The following RERE variants were observed in gnomAD, a reference collection of about 807,000 sequenced individuals.
RERE encodes the protein arginine-glutamic acid dipeptide repeats protein.
A neutral mutation model predicts 146.1 loss-of-function variants in RERE; 40 were observed. The observed-to-expected ratio is 0.27, with a 90% CI of 0.21 to 0.36. The LOEUF (loss-of-function observed/expected upper bound fraction) is 0.36, where lower values mean the gene tolerates loss of function less well. RERE is among the 10% of genes least tolerant of loss of function. The pLI, the probability that RERE is intolerant of heterozygous loss-of-function variation, is 1.00. For synonymous variants in RERE, 1,003 were observed against 866.0 expected (o/e 1.16, Z -2.78); for missense variants, 1,933 against 2,138.7 (o/e 0.90, Z 1.90).
intron 8 of RERE, among the ~76,000 whole-genome samples, chr1:8,500,888 T>C (rs1244875845): frequency 6.6e-6 from 1 of 151,516 alleles, no homozygotes; most frequent in African/African-American, 2.4e-5. Context: ...GAGGAGCGCC[T>C]CTGCCTGGCC....
chr1:8,482,492 T>TA (rs890421825), intron 10 of RERE, among the ~76,000 whole-genome samples: 2 of 151,598 alleles, frequency 1.3e-5, no homozygotes, highest in Non-Finnish European at 2.9e-5. Context: ...CCATCCTGGC[T>TA]AACATGGTGA....
chr1:8,617,068 G>C (rs1488994282), intron 3 of RERE, among the ~76,000 whole-genome samples: 1 of 152,110 alleles, frequency 6.6e-6, no homozygotes, highest in Non-Finnish European at 1.5e-5. Flanking sequence ...CATCTTGCTT[G>C]ATGCGGTGGT....
In RERE at chr1:8,455,558, A is replaced by G. The variant is rs143104616; in HGVS notation, c.1203+10367T>C. On this transcript the variant is annotated intron_variant, in intron 11 of 22. Coordinates refer to ENST00000400908, the MANE Select transcript of RERE (RefSeq NM_001042681.2). ...TGGAAGGAGTTGGTTGCTCCTTCCAAAGCAAGCTACTGAGAGGAAAAGAAC... is the reference window on the plus strand; with the variant it reads ...TGGAAGGAGTTGGTTGCTCCTTCCAGAGCAAGCTACTGAGAGGAAAAGAAC... Among the ~76,000 whole-genome samples, 913 of 152,314 alleles carry G rather than the reference A, an allele frequency of 6.0e-3. 3 individuals are homozygous for G. Among genetic ancestry groups the G allele is most frequent in the Non-Finnish European group, 9.1e-3 (620 of 68,034 alleles).
intron 1 of RERE, among the ~76,000 whole-genome samples, chr1:8,680,119 G>A (rs1201607787): frequency 6.6e-6 from 1 of 152,140 alleles, no homozygotes; most frequent in African/African-American, 2.4e-5. Context: ...AAGAAAGGCA[G>A]TCACGTGACA....
intron 11 of RERE, among the ~76,000 whole-genome samples, chr1:8,439,048 G>T (rs766091379): frequency 6.6e-6 from 1 of 152,218 alleles, no homozygotes; most frequent in African/African-American, 2.4e-5. Flanking sequence ...AGTCTGGGCT[G>T]GAGAAGCGCT....
chr1:8,423,713 C>G lies in RERE; in HGVS notation c.1204-906G>C. On this transcript the variant is annotated intron_variant, in intron 11 of 22. Coordinates refer to ENST00000400908, the MANE Select transcript of RERE (RefSeq NM_001042681.2). The surrounding 1 kb of genome is among the most constrained non-coding windows in gnomAD (Gnocchi z 5.4). Reference sequence around the variant, plus strand: ...GGCCGCGGGTGGCTCGGCGTGTGACCGCGGCGGGGCCGCGCGGCGCGGGGC... The same window carrying G: ...GGCCGCGGGTGGCTCGGCGTGTGACGGCGGCGGGGCCGCGCGGCGCGGGGC... 1.0e-6 allele frequency: 1 copy of G among 980,414 alleles called. No homozygotes were observed. Among genetic ancestry groups the G allele is most frequent in the Non-Finnish European group, 1.2e-6 (1 of 827,690 alleles). The allele number at this position is 980,414 out of a possible 1,614,324, so 60.7% of individuals were successfully genotyped here. A position where few individuals can be genotyped will look rare whatever the true frequency, so the allele number is the denominator to read the frequency against.
intron 7 of RERE, among the ~76,000 whole-genome samples, chr1:8,532,851 T>C: frequency 6.6e-6 from 1 of 152,256 alleles, no homozygotes; most frequent in East Asian, 1.9e-4. Context: ...TGCCTTGGCC[T>C]CCCAAAGTGG....
chr1:8,696,927 TA>T, intron 1 of RERE, among the ~76,000 whole-genome samples: 1 of 146,216 alleles, frequency 6.8e-6, no homozygotes, highest in South Asian at 2.2e-4. Flanking sequence ...AAAAATAAAA[TA>T]AAAACAGTTG....
intron 4 of RERE, among the ~76,000 whole-genome samples, chr1:8,558,892 T>A (rs903712075): frequency 4.0e-5 from 6 of 149,454 alleles, no homozygotes; most frequent in African/African-American, 7.4e-5. Flanking sequence ...ACCTCCTAGG[T>A]TCAAACGATT....
intron 8 of RERE, among the ~76,000 whole-genome samples, chr1:8,498,730 T>TACACACACACACACACAC (rs1357066114): frequency 1.6e-3 from 19 of 11,852 alleles, no homozygotes; most frequent in East Asian, 8.8e-3. Flanking sequence ...AAAATAAATA[T>TACACACACACACACACAC]ATACACACAC....
rs147080903 is a variant in RERE, at chr1:8,640,471, A to G, written c.325+15502T>C. On this transcript the variant is annotated intron_variant, in intron 2 of 22. Coordinates refer to ENST00000400908, the MANE Select transcript of RERE (RefSeq NM_001042681.2). ...TACACATTACACTATCACTCTGTACATAACTGAAAAGGCATTCCTTGCAAA... is the reference window on the plus strand; with the variant it reads ...TACACATTACACTATCACTCTGTACGTAACTGAAAAGGCATTCCTTGCAAA... 3.8e-3 allele frequency among the ~76,000 whole-genome samples: 572 copies of G among 152,340 alleles called. 2 individuals are homozygous for G. Among genetic ancestry groups the G allele is most frequent in the African/African-American group, 0.013 (542 of 41,578 alleles).
rs903312290 is a variant in RERE at position 8,487,145 on chromosome 1, T to C, written c.1104+7918A>G. The stretch of plus-strand genomic sequence containing the variant: ...TATTTGAAATCAATGTAATTCACTA[T>C]ATTAACAAAATAAAGAATAACAATC... On this transcript the variant is annotated intron_variant, in intron 10 of 22. Transcript: ENST00000400908. Among the ~76,000 whole-genome samples, 31 of 152,178 alleles carry C rather than the reference T, an allele frequency of 2.0e-4. 1 individual carries two copies. The highest frequency in any genetic ancestry group is 1.6e-4 in the Non-Finnish European group (11 of 68,034).
In RERE at chr1:8,815,578, G is replaced by C. The variant is rs114446610; in HGVS notation, c.-145+1582C>G. Among the ~76,000 whole-genome samples the C allele has an allele frequency of 5.5e-3, 838 of 152,286 alleles. 9 individuals carry two copies. Among genetic ancestry groups the C allele is most frequent in the African/African-American group, 0.019 (797 of 41,568 alleles). On this transcript the variant is annotated intron_variant, in intron 1 of 22. Transcript: ENST00000400908. ...CAAAAGGAATAAAGGGAGGCAGAGA[G>C]AAGAGAAGTCTCTGAACATGTTTTT...
At chr1:8,568,820 T>A (rs1646183280) in intron 4 of RERE, among the ~76,000 whole-genome samples, 1 of 152,142 alleles carries the variant, frequency 6.6e-6, no homozygotes, top group African/African-American at 2.4e-5. Context: ...CCTTAATAAA[T>A]CCCCTCTCAT....
At chr1:8,497,624 T>C (rs1645062842) in intron 8 of RERE, 95 bp from the exon 9 acceptor site, 11 of 1,363,722 alleles carry the variant, frequency 8.1e-6, no homozygotes, top group African/African-American at 1.4e-5. Flanking sequence ...TACAATGTTT[T>C]ACTGAGACTC....
intron 12 of RERE, among the ~76,000 whole-genome samples, chr1:8,402,402 G>A (rs1029589246): frequency 3.3e-5 from 5 of 152,156 alleles, no homozygotes; most frequent in Non-Finnish European, 7.3e-5. Flanking sequence ...TGAGGCCCCA[G>A]AAATCACGGC....
chr1:8,786,815 G>C, intron 1 of RERE: 1 of 855,564 alleles, frequency 1.2e-6, no homozygotes, highest in Non-Finnish European at 2.0e-6. Context: ...GCCTTTCAAA[G>C]CATGTTTTGG....
At chr1:8,644,918 T>C (rs1355497534) in intron 2 of RERE, among the ~76,000 whole-genome samples, 1 of 152,218 alleles carries the variant, frequency 6.6e-6, no homozygotes, top group Non-Finnish European at 1.5e-5. Context: ...ATCTCTTCTT[T>C]TTTCTTCCAC....
chr1:8,477,463 T>C lies in RERE; in HGVS notation c.1105-11440A>G, dbSNP rs540914605. On this transcript the variant is annotated intron_variant, in intron 10 of 22. Transcript: ENST00000400908. ...TCAGGACCACAAATGGAAACTAAAA[T>C]ATGTTTTCACTTACTCCTGGCATCC... 3.3e-5 allele frequency among the ~76,000 whole-genome samples: 5 copies of C among 152,306 alleles called. No homozygotes were observed. The East Asian group carries it at 9.6e-4, about 29-fold the overall frequency.
Sources: gnomAD v4.1 joint callset for allele counts (sites outside exome capture counted in the v4.1 genomes callset) on GRCh38, gnomAD v4.1.1 for gene constraint, Gnocchi (gnomAD v3.1) non-coding constraint, MANE v1.5 for transcripts, NCBI Gene and HGNC (gene_info 2026-07-23, HGNC 2026-07-21) for gene names.